Variants in TWSG1 observed in about 807,000 individuals in gnomAD.
TWSG1 encodes twisted gastrulation protein homolog 1.
In TWSG1, 15 loss-of-function variants were observed where a neutral mutation model predicts 23.0. The ratio of observed to expected loss-of-function variants is 0.65; its 90% CI spans 0.44 to 1.00. The LOEUF is 1.00. Among genes scored for constraint, TWSG1 ranks in the 50% least tolerant of loss-of-function variants. The pLI, the probability that TWSG1 is intolerant of heterozygous loss-of-function variation, is 0.00. For missense variants in TWSG1, 242 were observed against 278.7 expected (o/e 0.87, Z 0.94); for synonymous variants, 86 against 92.8 (o/e 0.93, Z 0.42).
At chr18:9,394,673 A>T (rs1011376305) in intron 3 of TWSG1, among the ~76,000 whole-genome samples, 1 of 152,152 alleles carries the variant, frequency 6.6e-6, no homozygotes, top group Non-Finnish European at 1.5e-5. Flanking sequence ...GTAACTCATA[A>T]GTATAATTAT....
At chr18:9,350,492 T>G (rs1222016099) in intron 2 of TWSG1, among the ~76,000 whole-genome samples, 2 of 152,216 alleles carry the variant, frequency 1.3e-5, no homozygotes, top group Non-Finnish European at 2.9e-5. Context: ...CAACATGTGG[T>G]CAGTCTCATC....
intron 2 of TWSG1, among the ~76,000 whole-genome samples, chr18:9,347,741 A>AT (rs1421606273): frequency 7.2e-5 from 11 of 151,892 alleles, no homozygotes; most frequent in Non-Finnish European, 1.2e-4. Context: ...TTTCTATTGA[A>AT]TTTTTTAATT....
chr18:9,383,991 A>T (rs1300834902), intron 3 of TWSG1, among the ~76,000 whole-genome samples: 1 of 152,204 alleles, frequency 6.6e-6, no homozygotes, highest in Non-Finnish European at 1.5e-5. Context: ...TGTGTGTTTT[A>T]AAGGAGCTGG....
chr18:9,371,171 G>C (rs4239338), intron 3 of TWSG1, among the ~76,000 whole-genome samples: 150,531 of 152,276 alleles, frequency 0.99, 74,444 homozygotes, highest in Middle Eastern at 1. Flanking sequence ...GCCACAAAAG[G>C]AGGTCTGAGA....
At chr18:9,337,543 T>C (rs933853071) in intron 2 of TWSG1, among the ~76,000 whole-genome samples, 191 bp downstream of exon 2, 2 of 152,110 alleles carry the variant, frequency 1.3e-5, no homozygotes, top group African/African-American at 4.8e-5. Context: ...ATAGGCAAGG[T>C]TAGATTCAAG....
intron 2 of TWSG1, among the ~76,000 whole-genome samples, chr18:9,341,813 T>A (rs35807724): frequency 0.038 from 5,794 of 151,944 alleles, 138 homozygotes; most frequent in Middle Eastern, 0.068. Context: ...TTTTATTATT[T>A]TTTTTTTTTA....
At position 9,396,554 on chromosome 18, in the gene TWSG1, C is replaced by T. The variant is rs764006418; in HGVS notation, c.490+8C>T. The T allele has an allele frequency of 1.2e-6, 2 of 1,607,136 alleles. No homozygotes were observed. Among genetic ancestry groups the T allele is most frequent in the Non-Finnish European group, 1.7e-6 (2 of 1,178,480 alleles). On this transcript the variant is annotated splice_region_variant and intron_variant, in intron 4 of 4. Transcript: ENST00000262120. The stretch of plus-strand genomic sequence containing the variant: ...CTTATTCCAGTGACAAAGGTAACTG[C>T]CAACAGTTGACTTTTTCCATTCCGC...
rs2040755819 is a variant in TWSG1 at position 9,400,051 on chromosome 18, C to T, written c.*524C>T. The T allele has an allele frequency of 6.6e-6, 1 of 152,462 alleles. No individual in the cohort carries two copies. Among genetic ancestry groups the T allele is most frequent in the South Asian group, 2.1e-4 (1 of 4,820 alleles). The allele number at this position is 152,462 out of a possible 1,614,324, so 9.4% of individuals were successfully genotyped here. Reference sequence around the variant, plus strand: ...CATATAAAAATATCATCATAAAAAGCTTAATTTCATCCCTTTTATGTTGGT... The same window carrying T: ...CATATAAAAATATCATCATAAAAAGTTTAATTTCATCCCTTTTATGTTGGT... On this transcript the variant is annotated 3_prime_UTR_variant, in exon 5 of 5. Coordinates refer to ENST00000262120, the MANE Select transcript of TWSG1 (RefSeq NM_020648.6).
intron 3 of TWSG1, among the ~76,000 whole-genome samples, chr18:9,382,507 A>G (rs553603375): frequency 8.4e-4 from 127 of 151,350 alleles, no homozygotes; most frequent in African/African-American, 3.0e-3. Flanking sequence ...TAGGTGACAG[A>G]GTGAGACTCT....
intron 3 of TWSG1, among the ~76,000 whole-genome samples, chr18:9,375,313 A>G (rs1235665320): frequency 6.6e-6 from 1 of 152,210 alleles, no homozygotes; most frequent in Non-Finnish European, 1.5e-5. Flanking sequence ...AACTCTCAGC[A>G]AACTAGGACT....
intron 2 of TWSG1, among the ~76,000 whole-genome samples, chr18:9,355,649 A>G (rs1433452205): frequency 6.6e-6 from 1 of 152,234 alleles, no homozygotes; most frequent in Non-Finnish European, 1.5e-5. Flanking sequence ...AACAGTAGTC[A>G]TAGAGTAGAC....
chr18:9,379,535 A>T (rs1291242545), intron 3 of TWSG1, among the ~76,000 whole-genome samples: 1 of 152,118 alleles, frequency 6.6e-6, no homozygotes, highest in Non-Finnish European at 1.5e-5. Flanking sequence ...GGGAGGAGGG[A>T]GAGGTTCAGA....
intron 3 of TWSG1, among the ~76,000 whole-genome samples, chr18:9,376,336 A>T (rs895380838): frequency 6.6e-6 from 1 of 152,218 alleles, no homozygotes; most frequent in Non-Finnish European, 1.5e-5. Context: ...CCAACACAAT[A>T]TTGAAGGAGA....
chr18:9,360,869 C>T (rs1434662890), intron 3 of TWSG1, among the ~76,000 whole-genome samples: 1 of 152,210 alleles, frequency 6.6e-6, no homozygotes. Context: ...TTCAGCGTTG[C>T]ACTGCTTCCA....
intron 2 of TWSG1, among the ~76,000 whole-genome samples, chr18:9,344,850 C>T (rs1003206098): frequency 1.2e-4 from 19 of 152,034 alleles, no homozygotes; most frequent in South Asian, 4.2e-4. Context: ...TGGGCCAACA[C>T]GATCCTCCTG....
chr18:9,396,223 T>C (rs1432988383), intron 3 of TWSG1, 57 bp from the exon 4 acceptor site: 3 of 1,448,300 alleles, frequency 2.1e-6, no homozygotes, highest in African/African-American at 2.8e-5. Context: ...TAATGTGTTA[T>C]AGCTCTGATT....
chr18:9,349,708 T>C (rs1281247080), intron 2 of TWSG1, among the ~76,000 whole-genome samples: 1 of 152,246 alleles, frequency 6.6e-6, no homozygotes, highest in Admixed American at 6.5e-5. Flanking sequence ...AACTTTAGTC[T>C]CTTGCTATAG....
chr18:9,357,415 C>G (rs1367222367), intron 2 of TWSG1, among the ~76,000 whole-genome samples: 3 of 152,054 alleles, frequency 2.0e-5, no homozygotes, highest in African/African-American at 4.8e-5. Flanking sequence ...AAAACAATAA[C>G]AAAACCCAAG....
At chr18:9,339,582 A>G (rs1046716572) in intron 2 of TWSG1, among the ~76,000 whole-genome samples, 4 of 152,114 alleles carry the variant, frequency 2.6e-5, no homozygotes, top group African/African-American at 9.7e-5. Context: ...CGGCCTCCCA[A>G]GTGCTGGGAT....
Sources: gnomAD v4.1 joint callset for allele counts (sites outside exome capture counted in the v4.1 genomes callset) on GRCh38, gnomAD v4.1.1 for gene constraint, MANE v1.5 for transcripts, NCBI Gene and HGNC (gene_info 2026-07-23, HGNC 2026-07-21) for gene names.